MAPK10: variants seen among roughly 807,000 people sequenced by gnomAD.
MAPK10 encodes the protein JNK3 alpha protein kinase.
Under a neutral mutation model 59.3 loss-of-function variants are expected in MAPK10, and 25 were observed. That is an observed-to-expected ratio of 0.42 (90% CI 0.31 to 0.59). MAPK10 has a LOEUF of 0.59. MAPK10 is among the 20% of genes least tolerant of loss of function. MAPK10 has a pLI of 0.15. For missense variants in MAPK10, 351 were observed against 568.9 expected, an observed-to-expected ratio of 0.62 and a Z score of 3.90; for synonymous variants, 190 against 200.5, an observed-to-expected ratio of 0.95 and a Z score of 0.44.
chr4:86,387,649 G>T (rs924039338), intron 1 of MAPK10, among the ~76,000 whole-genome samples: 4 of 152,000 alleles, frequency 2.6e-5, no homozygotes, highest in Admixed American at 2.6e-4. Flanking sequence ...GGAAAGCCTT[G>T]GTTGCCTTGG....
intron 1 of MAPK10, among the ~76,000 whole-genome samples, chr4:86,584,775 T>C (rs1259470636): frequency 6.6e-6 from 1 of 152,194 alleles, no homozygotes; most frequent in Admixed American, 6.5e-5. Flanking sequence ...AACTGGAATC[T>C]AGTTTGTAGA....
upstream of MAPK10, among the ~76,000 whole-genome samples, chr4:86,363,968 G>T (rs527598542): frequency 6.6e-6 from 1 of 152,170 alleles, no homozygotes; most frequent in African/African-American, 2.4e-5. Flanking sequence ...TTTTAGCAGA[G>T]ATGAGGTCTA....
At chr4:86,131,093 G>A (rs1188778807) in intron 4 of MAPK10, among the ~76,000 whole-genome samples, 2 of 152,238 alleles carry the variant, frequency 1.3e-5, no homozygotes, top group Admixed American at 6.5e-5. Context: ...GGTAGTCAGG[G>A]ACAGATAAAT....
At chr4:86,358,250 C>T (rs1316172345) in intron 1 of MAPK10, 1 of 985,230 alleles carries the variant, frequency 1.0e-6, no homozygotes, top group African/African-American at 1.7e-5. Flanking sequence ...GAGAAATGGT[C>T]CTTACTGCAA....
intron 3 of MAPK10, among the ~76,000 whole-genome samples, chr4:86,181,013 G>A (rs1460764): frequency 0.3 from 44,928 of 151,808 alleles, 8,774 homozygotes; most frequent in African/African-American, 0.56. Flanking sequence ...AAACAAAGAA[G>A]TGATAAATGT....
At chr4:86,194,301 T>C (rs2080753267) in intron 3 of MAPK10, 35 bp downstream of exon 3, 1 of 1,552,878 alleles carries the variant, frequency 6.4e-7, no homozygotes, top group Non-Finnish European at 8.9e-7. Flanking sequence ...CAAGGGAATA[T>C]ACTGTACCTT....
At chr4:86,559,993 AT>A (rs150873872) in intron 1 of MAPK10, among the ~76,000 whole-genome samples, 1 of 151,744 alleles carries the variant, frequency 6.6e-6, no homozygotes. Flanking sequence ...AAACCAGTCA[AT>A]TTTTTTTAAT....
chr4:86,573,838 G>A (rs1158916406), intron 1 of MAPK10, among the ~76,000 whole-genome samples: 4 of 151,976 alleles, frequency 2.6e-5, no homozygotes, highest in South Asian at 2.1e-4. Flanking sequence ...CCTTTTTGAT[G>A]CTATTGTTAT....
intron 11 of MAPK10, among the ~76,000 whole-genome samples, chr4:86,038,785 C>G (rs2040880412): frequency 6.6e-6 from 1 of 152,124 alleles, no homozygotes; most frequent in Non-Finnish European, 1.5e-5. Flanking sequence ...ATTTGTTTCA[C>G]AAATAGTCTT....
chr4:86,360,427 T>C (rs1578892400), upstream of MAPK10, among the ~76,000 whole-genome samples: 1 of 152,190 alleles, frequency 6.6e-6, no homozygotes. Context: ...CTATCTCTTG[T>C]AGTATCTCTA....
chr4:86,499,885 T>A (rs977876443), intron 1 of MAPK10, among the ~76,000 whole-genome samples: 2 of 152,148 alleles, frequency 1.3e-5, no homozygotes, highest in African/African-American at 4.8e-5. Flanking sequence ...ATATATGATG[T>A]CTGTCTGGGA....
At chr4:86,507,441 C>G (rs1755822049) in intron 1 of MAPK10, among the ~76,000 whole-genome samples, 1 of 151,124 alleles carries the variant, frequency 6.6e-6, no homozygotes. Flanking sequence ...AAAAACAAAA[C>G]TAAGCTTACC....
intron 1 of MAPK10, among the ~76,000 whole-genome samples, chr4:86,440,642 AG>A (rs1233527534): frequency 4.7e-5 from 7 of 149,936 alleles, no homozygotes; most frequent in African/African-American, 1.7e-4. Context: ...AAAAAAAAAA[AG>A]GAATGTAACT....
At chr4:86,308,572 T>G (rs1328862209) in intron 2 of MAPK10, 1 of 152,174 alleles carries the variant, frequency 6.6e-6, no homozygotes, top group Non-Finnish European at 1.5e-5. Context: ...CTTTTGCAAG[T>G]GAGAATGTGT....
At chr4:86,381,870 G>A (rs371782046) in intron 1 of MAPK10, among the ~76,000 whole-genome samples, 33 of 152,152 alleles carry the variant, frequency 2.2e-4, no homozygotes, top group Admixed American at 8.5e-4. Context: ...AGAGTCACCC[G>A]TTTTGTGAGG....
chr4:86,018,731 G>A (rs968430649), intron 13 of MAPK10, among the ~76,000 whole-genome samples: 4 of 152,080 alleles, frequency 2.6e-5, no homozygotes, highest in Admixed American at 6.5e-5. Flanking sequence ...GAAATAGCTC[G>A]CTATTAAAAA....
intron 2 of MAPK10, chr4:86,268,177 T>C (rs140672857): frequency 0.018 from 2,800 of 152,300 alleles, 57 homozygotes; most frequent in Non-Finnish European, 0.024. Context: ...CCACATTATC[T>C]ACCAAGTTGC....
At chr4:86,044,170 T>C (rs562085528) in intron 11 of MAPK10, among the ~76,000 whole-genome samples, 1 of 152,308 alleles carries the variant, frequency 6.6e-6, no homozygotes, top group Admixed American at 6.5e-5. Context: ...GGCGAGAATG[T>C]GCAATATATT....
At chr4:86,567,812 G>A (rs1321934949) in intron 1 of MAPK10, among the ~76,000 whole-genome samples, 1 of 152,068 alleles carries the variant, frequency 6.6e-6, no homozygotes, top group African/African-American at 2.4e-5. Flanking sequence ...TTTTTCTTAG[G>A]GAAGGTTAGA....
Sources: allele counts gnomAD v4.1 joint callset (sites outside exome capture counted in the v4.1 genomes callset), GRCh38; gene constraint gnomAD v4.1.1; transcripts MANE v1.5; gene names NCBI Gene and HGNC (gene_info 2026-07-23, HGNC 2026-07-21).